PAPSS1: variants seen among roughly 807,000 people sequenced by gnomAD.
The protein encoded by PAPSS1 is 3'-phosphoadenosine 5'-phosphosulfate synthase 1.
Under a neutral mutation model 72.0 loss-of-function variants are expected in PAPSS1, and 50 were observed. That is an observed-to-expected ratio of 0.69 (90% CI 0.55 to 0.88). The LOEUF is 0.88. Among genes scored for constraint, PAPSS1 ranks in the 40% least tolerant of loss-of-function variants. PAPSS1 has a pLI of 0.00. For synonymous variants in PAPSS1, 261 were observed against 263.6 expected (o/e 0.99, Z 0.09); for missense variants, 657 against 782.2 (o/e 0.84, Z 1.91).
chr4:107,671,794 T>C (rs1727475367), intron 5 of PAPSS1, among the ~76,000 whole-genome samples: 1 of 152,276 alleles, frequency 6.6e-6, no homozygotes, highest in Middle Eastern at 3.4e-3. Flanking sequence ...CCTAATACAA[T>C]GTAAATGTTA....
rs1476668076 is a variant in PAPSS1, at chr4:107,653,624, C to T, written c.1104G>A (p.Met368Ile). ...TTCKNHPYIK[M>I]VMEQGDWLIG... ...TCAGCCAATCTCCTTGTTCCATCAC[C>T]ATCTAATAGGAAAAACAAATTTTTT... The change falls in exon 9 of 12, where the codon ATG becomes ATA. Residue 368 changes from methionine to isoleucine, a missense_variant and splice_region_variant. Physicochemically the swap from Met to Ile is conservative, Grantham distance 10. This residue lies in a region of PAPSS1 where 190 missense variants were observed against 176.7 expected (regional missense o/e 1.07). Coordinates refer to ENST00000265174, the MANE Select transcript of PAPSS1 (RefSeq NM_005443.5). 4 of 1,606,666 alleles carry T rather than the reference C, an allele frequency of 2.5e-6. No homozygotes were observed. In the South Asian group the frequency reaches 3.4e-5, roughly 14 times the overall value.
chr4:107,713,831 G>C (rs1390923749), intron 1 of PAPSS1, among the ~76,000 whole-genome samples: 1 of 151,602 alleles, frequency 6.6e-6, no homozygotes, highest in African/African-American at 2.4e-5. Flanking sequence ...AAAGTAACTA[G>C]AGAGAAGAAT....
At chr4:107,640,155 T>G (rs978420250) in intron 10 of PAPSS1, among the ~76,000 whole-genome samples, 13 of 152,224 alleles carry the variant, frequency 8.5e-5, no homozygotes, top group African/African-American at 2.9e-4. Context: ...AGATTCAGTA[T>G]TTAGTGAGAT....
intron 1 of PAPSS1, among the ~76,000 whole-genome samples, chr4:107,707,976 T>C (rs1723382636): frequency 6.6e-6 from 1 of 152,152 alleles, no homozygotes; most frequent in Non-Finnish European, 1.5e-5. Context: ...CTCCCACACA[T>C]CTGAATCTTA....
intron 1 of PAPSS1, among the ~76,000 whole-genome samples, chr4:107,708,642 G>C (rs910319016): frequency 6.6e-6 from 1 of 152,204 alleles, no homozygotes; most frequent in Non-Finnish European, 1.5e-5. Flanking sequence ...AATACAGACA[G>C]GGTAAGTAGA....
chr4:107,628,388 A>G (rs556055412), intron 11 of PAPSS1, among the ~76,000 whole-genome samples: 1 of 152,234 alleles, frequency 6.6e-6, no homozygotes, highest in African/African-American at 2.4e-5. Flanking sequence ...TAATTTTTTA[A>G]AGGTTTCTTT....
chr4:107,684,825 C>A (rs1475187402), intron 4 of PAPSS1, among the ~76,000 whole-genome samples: 7 of 152,218 alleles, frequency 4.6e-5, no homozygotes, highest in Admixed American at 4.6e-4. Context: ...CCTCAACGAC[C>A]TTGGGCACAT....
chr4:107,682,187 T>C, intron 4 of PAPSS1, 54 bp from the exon 5 acceptor site: 1 of 950,294 alleles, frequency 1.1e-6, no homozygotes, highest in Admixed American at 2.0e-5. Flanking sequence ...TAAAATAGTT[T>C]ATTTTTTCAG....
At chr4:107,665,615 T>C (rs1006499082) in intron 5 of PAPSS1, among the ~76,000 whole-genome samples, 1 of 152,080 alleles carries the variant, frequency 6.6e-6, no homozygotes, top group Non-Finnish European at 1.5e-5. Flanking sequence ...AGGGAGGCCC[T>C]AGGAGTCCTC....
At chr4:107,667,248 T>A (rs1175054214) in intron 5 of PAPSS1, among the ~76,000 whole-genome samples, 1 of 152,054 alleles carries the variant, frequency 6.6e-6, no homozygotes, top group Non-Finnish European at 1.5e-5. Context: ...GGGGTTGAAG[T>A]TCATAGAGAA....
At chr4:107,683,965 G>C (rs62311652) in intron 4 of PAPSS1, among the ~76,000 whole-genome samples, 1 of 80,658 alleles carries the variant, frequency 1.2e-5, no homozygotes, top group African/African-American at 3.5e-5. Flanking sequence ...TATGCATACA[G>C]ACACACACAC....
intron 5 of PAPSS1, among the ~76,000 whole-genome samples, chr4:107,662,414 ATGG>A (rs1727204159): frequency 6.6e-6 from 1 of 152,208 alleles, no homozygotes. Context: ...TTAAAAAATA[ATGG>A]TGAAGGAAGA....
At chr4:107,710,010 T>C (rs1723445451) in intron 1 of PAPSS1, among the ~76,000 whole-genome samples, 1 of 152,188 alleles carries the variant, frequency 6.6e-6, no homozygotes, top group Admixed American at 6.5e-5. Context: ...TAGGCCTGAA[T>C]TTTTAGACTC....
At chr4:107,711,149 T>C (rs1412810253) in intron 1 of PAPSS1, among the ~76,000 whole-genome samples, 2 of 152,246 alleles carry the variant, frequency 1.3e-5, no homozygotes, top group East Asian at 3.8e-4. Context: ...GTTTTCTCTG[T>C]GTAACTTGCA....
At chr4:107,698,429 C>T (rs1358379631) in intron 2 of PAPSS1, among the ~76,000 whole-genome samples, 1 of 152,154 alleles carries the variant, frequency 6.6e-6, no homozygotes, top group South Asian at 2.1e-4. Flanking sequence ...TTTATGAAAA[C>T]TACAAGTTTT....
chr4:107,666,698 A>G (rs1185681072), intron 5 of PAPSS1, among the ~76,000 whole-genome samples: 1 of 152,222 alleles, frequency 6.6e-6, no homozygotes, highest in Non-Finnish European at 1.5e-5. Context: ...AATTCCAGGT[A>G]CAATTCACTT....
At chr4:107,710,563 A>C (rs1723464286) in intron 1 of PAPSS1, among the ~76,000 whole-genome samples, 1 of 152,194 alleles carries the variant, frequency 6.6e-6, no homozygotes, top group Non-Finnish European at 1.5e-5. Flanking sequence ...AAGAACACTC[A>C]GGGGCATATG....
chr4:107,629,236 A>G (rs1726173584), intron 11 of PAPSS1, among the ~76,000 whole-genome samples: 1 of 152,246 alleles, frequency 6.6e-6, no homozygotes, highest in African/African-American at 2.4e-5. Context: ...GGTAAAAAGA[A>G]TGGTGAAATC....
At chr4:107,647,305 G>A (rs1014450139) in intron 9 of PAPSS1, among the ~76,000 whole-genome samples, 7 of 152,216 alleles carry the variant, frequency 4.6e-5, no homozygotes, top group Admixed American at 2.0e-4. Flanking sequence ...CCACAGTGTG[G>A]AGGACAGAGT....
Sources: gnomAD v4.1 joint callset for allele counts (sites outside exome capture counted in the v4.1 genomes callset) on GRCh38, gnomAD v4.1.1 for gene constraint, gnomAD v4.1.1 regional missense constraint, MANE v1.5 for transcripts, NCBI Gene and HGNC (gene_info 2026-07-23, HGNC 2026-07-21) for gene names.